ITPR2: variants seen among roughly 807,000 people sequenced by gnomAD.
ITPR2 encodes inositol 1,4,5-trisphosphate receptor type 2, also known as inositol 1,4,5-trisphosphate-gated calcium channel ITPR2.
Under a neutral mutation model 317.1 loss-of-function variants are expected in ITPR2, and 207 were observed. The observed-to-expected ratio is 0.65, with a 90% CI of 0.58 to 0.73. The LOEUF (loss-of-function observed/expected upper bound fraction) is 0.73, where lower values mean the gene tolerates loss of function less well. Among genes scored for constraint, ITPR2 ranks in the 30% least tolerant of loss-of-function variants. The pLI is 0.00. For synonymous variants in ITPR2, 1,156 were observed against 1,149.1 expected (o/e 1.01, Z -0.12); for missense variants, 2,613 against 3,284.0 (o/e 0.80, Z 4.99).
intron 37 of ITPR2, among the ~76,000 whole-genome samples, chr12:26,527,729 C>G (rs180906302): frequency 5.3e-5 from 8 of 152,274 alleles, no homozygotes; most frequent in Admixed American, 1.3e-4. Context: ...CATACTTCTT[C>G]TATACTATAA....
chr12:26,698,954 A>G (rs1490297918), intron 9 of ITPR2, among the ~76,000 whole-genome samples: 1 of 151,690 alleles, frequency 6.6e-6, no homozygotes. Flanking sequence ...GTTTCACCAT[A>G]GCTTTTTTAA....
intron 34 of ITPR2, among the ~76,000 whole-genome samples, chr12:26,577,813 T>C (rs1042304687): frequency 1.3e-5 from 2 of 152,220 alleles, no homozygotes; most frequent in African/African-American, 2.4e-5. Context: ...AGTTAAGTCA[T>C]TTATTCATTT....
At chr12:26,478,750 A>G (rs773873416) in intron 43 of ITPR2, among the ~76,000 whole-genome samples, 10 of 152,118 alleles carry the variant, frequency 6.6e-5, no homozygotes, top group Admixed American at 5.2e-4. Context: ...CTTTGAAAAA[A>G]CAAAACAAAA....
intron 35 of ITPR2, among the ~76,000 whole-genome samples, chr12:26,561,088 T>C (rs986081014): frequency 6.6e-6 from 1 of 152,118 alleles, no homozygotes; most frequent in Non-Finnish European, 1.5e-5. Context: ...CGGGCCCTAA[T>C]CCAACATAAC....
chr12:26,739,755 TGAATATTTAAAAG>T (rs2137079618), intron 2 of ITPR2, among the ~76,000 whole-genome samples: 1 of 152,356 alleles, frequency 6.6e-6, no homozygotes, highest in African/African-American at 2.4e-5. Flanking sequence ...CTCATTAAGC[TGAATATTTAAAAG>T]GAGTAAATTT....
chr12:26,487,449 T>A (rs2136852578), intron 39 of ITPR2, among the ~76,000 whole-genome samples, 198 bp from the exon 40 acceptor site: 1 of 152,350 alleles, frequency 6.6e-6, no homozygotes, highest in East Asian at 1.9e-4. Context: ...TACTTAGCAT[T>A]TTCCACTAAA....
chr12:26,620,273 G>C (rs1402810548), intron 26 of ITPR2, among the ~76,000 whole-genome samples: 1 of 152,238 alleles, frequency 6.6e-6, no homozygotes, highest in Non-Finnish European at 1.5e-5. Context: ...CCACGTTCCA[G>C]TATTTTGTCC....
In ITPR2 at chr12:26,387,602, A is replaced by C; in HGVS notation, c.7697-8T>G. On this transcript the variant is annotated splice_region_variant and splice_polypyrimidine_tract_variant and intron_variant, in intron 54 of 56. Transcript: ENST00000381340. ...ACTTGTCTCTCTCAAGTCCTGAAAA[A>C]CACAGGCAACACAATATATGTAATT... The C allele has an allele frequency of 6.2e-7, 1 of 1,612,334 alleles. No individual in the cohort carries two copies. The highest frequency in any genetic ancestry group is 8.5e-7 in the Non-Finnish European group (1 of 1,179,062).
At chr12:26,423,191 GTC>G (rs1172220208) in intron 49 of ITPR2, among the ~76,000 whole-genome samples, 3 of 152,096 alleles carry the variant, frequency 2.0e-5, no homozygotes, top group Non-Finnish European at 4.4e-5. Flanking sequence ...AAAAGGGTAG[GTC>G]TGTGTGTGTG....
chr12:26,522,998 A>G (rs1009045107), intron 37 of ITPR2, among the ~76,000 whole-genome samples: 2 of 152,248 alleles, frequency 1.3e-5, no homozygotes, highest in African/African-American at 4.8e-5. Flanking sequence ...CAGTGTCTGA[A>G]CAATTCTAAC....
chr12:26,761,735 T>C (rs1317673147), intron 2 of ITPR2, among the ~76,000 whole-genome samples: 1 of 152,234 alleles, frequency 6.6e-6, no homozygotes, highest in Non-Finnish European at 1.5e-5. Context: ...GATTCAAGGC[T>C]GTACTGAACT....
chr12:26,487,311 G>T lies in ITPR2; in HGVS notation c.5371-60C>A, dbSNP rs558519237. Reference sequence around the variant, plus strand: ...AAGGGGAGACAAATGGTGTTTTTATGCTTGAACTAAACATAAGCATTATAG... The same window carrying T: ...AAGGGGAGACAAATGGTGTTTTTATTCTTGAACTAAACATAAGCATTATAG... On this transcript the variant is annotated intron_variant, in intron 39 of 56. Coordinates refer to ENST00000381340, the MANE Select transcript of ITPR2 (RefSeq NM_002223.4). 4 of 1,255,622 alleles carry T rather than the reference G, an allele frequency of 3.2e-6. No individual in the cohort carries two copies. In the African/African-American group the frequency reaches 4.5e-5, roughly 14 times the overall value. 77.8% of individuals were successfully genotyped at this position (1,255,622 alleles called of 1,614,324 possible). A position where few individuals can be genotyped will look rare whatever the true frequency, so the allele number is the denominator to read the frequency against.
At chr12:26,466,910 T>C (rs1209724936) in intron 45 of ITPR2, among the ~76,000 whole-genome samples, 2 of 152,218 alleles carry the variant, frequency 1.3e-5, no homozygotes, top group Non-Finnish European at 2.9e-5. Flanking sequence ...CAAGCAATAA[T>C]AAAGATGAGG....
At chr12:26,462,822 C>T (rs1363105113) in intron 45 of ITPR2, among the ~76,000 whole-genome samples, 2 of 151,774 alleles carry the variant, frequency 1.3e-5, no homozygotes, top group African/African-American at 4.8e-5. Context: ...CAGGTGCCTG[C>T]CACCATGCCT....
At chr12:26,567,296 T>A (rs1945005907) in intron 34 of ITPR2, among the ~76,000 whole-genome samples, 1 of 152,186 alleles carries the variant, frequency 6.6e-6, no homozygotes, top group South Asian at 2.1e-4. Context: ...TTCAGGGAAA[T>A]CTCATCCACC....
At chr12:26,522,627 T>C (rs989402959) in intron 37 of ITPR2, among the ~76,000 whole-genome samples, 1 of 152,222 alleles carries the variant, frequency 6.6e-6, no homozygotes, top group African/African-American at 2.4e-5. Flanking sequence ...TGCAGATAGT[T>C]ATGGAAATTG....
chr12:26,735,667 A>C (rs1205987807), intron 2 of ITPR2, among the ~76,000 whole-genome samples: 2 of 152,260 alleles, frequency 1.3e-5, no homozygotes, highest in Non-Finnish European at 2.9e-5. Flanking sequence ...TGCAACTAAA[A>C]GTATTCAAAA....
chr12:26,369,048 G>A (rs371229990), intron 55 of ITPR2, among the ~76,000 whole-genome samples: 2 of 152,310 alleles, frequency 1.3e-5, no homozygotes, highest in Admixed American at 1.3e-4. Context: ...CAAGTAGAGT[G>A]CTGCAGGCTG....
At chr12:26,482,472 A>G (rs1226883431) in intron 42 of ITPR2, among the ~76,000 whole-genome samples, 3 of 152,224 alleles carry the variant, frequency 2.0e-5, no homozygotes, top group Non-Finnish European at 4.4e-5. Flanking sequence ...GAAGAGACAA[A>G]TGGTATAATT....
Sources: gnomAD v4.1 joint callset for allele counts (sites outside exome capture counted in the v4.1 genomes callset) on GRCh38, gnomAD v4.1.1 for gene constraint, MANE v1.5 for transcripts, NCBI Gene and HGNC (gene_info 2026-07-23, HGNC 2026-07-21) for gene names.